The following LIG1 variants were observed in gnomAD, a reference collection of about 807,000 sequenced individuals.
LIG1 encodes DNA ligase 1.
A neutral mutation model predicts 115.7 loss-of-function variants in LIG1; 70 were observed. The observed-to-expected ratio is 0.60, with a 90% CI of 0.50 to 0.74. The LOEUF (loss-of-function observed/expected upper bound fraction) is 0.74. Among genes scored for constraint, LIG1 ranks in the 30% least tolerant of loss-of-function variants. LIG1 has a pLI of 0.00. For synonymous variants in LIG1, 487 were observed against 495.3 expected (o/e 0.98, Z 0.22); for missense variants, 1,115 against 1,225.6 (o/e 0.91, Z 1.35).
intron 7 of LIG1, among the ~76,000 whole-genome samples, chr19:48,150,804 C>T (rs986839233): frequency 2.6e-5 from 4 of 152,028 alleles, no homozygotes; most frequent in Non-Finnish European, 4.4e-5. Context: ...CTCAAGCGAT[C>T]CTCCCACCTC....
At chr19:48,145,195 G>A (rs995751114) in intron 9 of LIG1, among the ~76,000 whole-genome samples, 7 of 152,164 alleles carry the variant, frequency 4.6e-5, no homozygotes, top group African/African-American at 9.6e-5. Context: ...CACTGCGCCC[G>A]GCCTCAACCT....
At chr19:48,136,258 G>C in intron 14 of LIG1, 133 bp from the exon 15 acceptor site, 1 of 673,814 alleles carries the variant, frequency 1.5e-6, no homozygotes, top group East Asian at 2.7e-5. Flanking sequence ...TCAGAGCCTG[G>C]AAGGGACCCC....
intron 19 of LIG1, among the ~76,000 whole-genome samples, chr19:48,128,869 T>C (rs1488310084): frequency 6.6e-6 from 1 of 152,162 alleles, no homozygotes; most frequent in Non-Finnish European, 1.5e-5. Flanking sequence ...CTCAAGCAAT[T>C]CTCCTGCCTC....
intron 26 of LIG1, 47 bp downstream of exon 26, chr19:48,117,591 C>T (rs768472566): frequency 3.4e-5 from 55 of 1,601,702 alleles, no homozygotes; most frequent in Middle Eastern, 2.1e-4. Context: ...TCTGTGTGCC[C>T]GCCCAGAATC....
chr19:48,136,042 G>A lies in LIG1; in HGVS notation c.1415C>T (p.Pro472Leu), dbSNP rs368075807. 5.8e-6 allele frequency: 9 copies of A among 1,563,184 alleles called. No individual in the cohort carries two copies. Among genetic ancestry groups the A allele is most frequent in the Admixed American group, 5.6e-5 (3 of 53,352 alleles). The change falls in exon 15 of 28, where the codon CCG (proline) becomes CTG (leucine). Residue 472 changes from proline to leucine, a missense_variant. Physicochemically the swap from Pro to Leu is moderately conservative, Grantham distance 98. Transcript: ENST00000263274. ...GGGCCACAGGAGCTCACCTTGGCCC[G>A]GGGGCGTGAGGCTCACTGCCTGGGA... is the stretch of plus-strand genomic sequence containing the variant. ...ALSQAVSLTP[P>L]GQEFPPAMVD... is the part of the protein sequence containing the mutation.
intron 11 of LIG1, among the ~76,000 whole-genome samples, chr19:48,143,160 C>T (rs555762961): frequency 2.6e-5 from 4 of 152,114 alleles, no homozygotes; most frequent in East Asian, 1.9e-4. Flanking sequence ...AGGGGGTCCT[C>T]GCTATAACTG....
intron 19 of LIG1, among the ~76,000 whole-genome samples, chr19:48,128,657 C>T (rs568575993): frequency 6.6e-6 from 1 of 152,394 alleles, no homozygotes; most frequent in African/African-American, 2.4e-5. Flanking sequence ...CTGTCTCCTC[C>T]ACTGGCAAGC....
chr19:48,133,868 G>C (rs900067853), intron 17 of LIG1, 113 bp downstream of exon 17: 12 of 832,946 alleles, frequency 1.4e-5, no homozygotes, highest in South Asian at 8.7e-5. Flanking sequence ...TGGTTTTGGT[G>C]GGGGAGAGGA....
intron 21 of LIG1, among the ~76,000 whole-genome samples, chr19:48,125,711 G>T (rs550356427): frequency 2.0e-5 from 3 of 151,978 alleles, no homozygotes; most frequent in African/African-American, 7.3e-5. Context: ...GGGATGGGCC[G>T]GGCGTGGTGG....
intron 4 of LIG1, among the ~76,000 whole-genome samples, chr19:48,158,401 A>T (rs1028091650): frequency 6.6e-6 from 1 of 152,124 alleles, no homozygotes; most frequent in Non-Finnish European, 1.5e-5. Context: ...GGTCACATGA[A>T]TCCCGGACTC....
In LIG1 at chr19:48,151,343, A is replaced by G; in HGVS notation, c.467-4T>C. On this transcript the variant is annotated splice_polypyrimidine_tract_variant and splice_region_variant and intron_variant, in intron 6 of 27. Coordinates refer to ENST00000263274, the MANE Select transcript of LIG1 (RefSeq NM_000234.3). Reference sequence around the variant, plus strand: ...CTTTCTTTCGGGGTCTCCTCTTCTGACGATAGACAGAACGGTCAGATGGCA... The same window carrying G: ...CTTTCTTTCGGGGTCTCCTCTTCTGGCGATAGACAGAACGGTCAGATGGCA... 1.3e-6 allele frequency: 2 copies of G among 1,575,134 alleles called. No individual in the cohort carries two copies. The highest frequency in any genetic ancestry group is 1.7e-6 in the Non-Finnish European group (2 of 1,144,432).
intron 11 of LIG1, among the ~76,000 whole-genome samples, chr19:48,141,276 C>T (rs1444613281): frequency 1.3e-5 from 2 of 152,208 alleles, no homozygotes; most frequent in Non-Finnish European, 1.5e-5. Context: ...ACTACCGGTG[C>T]GCACCACCAT....
At chr19:48,148,272 G>A (rs910374179) in intron 9 of LIG1, among the ~76,000 whole-genome samples, 12 of 152,054 alleles carry the variant, frequency 7.9e-5, no homozygotes, top group Admixed American at 4.6e-4. Context: ...TTAGGAGTTC[G>A]AGACCAGCCT....
chr19:48,120,628 A>G (rs2033194648), intron 24 of LIG1: 1 of 901,924 alleles, frequency 1.1e-6, no homozygotes, highest in African/African-American at 1.8e-5. Flanking sequence ...GGGGTGAGCC[A>G]TGGAGCAAAG....
chr19:48,156,110 C>A (rs1488530726), intron 5 of LIG1, among the ~76,000 whole-genome samples: 1 of 152,190 alleles, frequency 6.6e-6, no homozygotes, highest in Non-Finnish European at 1.5e-5. Context: ...AGCTGGTTTT[C>A]CAGGACCTTC....
chr19:48,115,643 G>A lies in LIG1; in HGVS notation c.*6C>T, dbSNP rs1237960454. On this transcript the variant is annotated 3_prime_UTR_variant, in exon 28 of 28. Coordinates refer to ENST00000263274, the MANE Select transcript of LIG1 (RefSeq NM_000234.3). ...CCCTGTACCCAGGCCCTAGGAGGGC[G>A]AGGGCTTAGTAGGTATCTTCAGGGT... 8 of 1,603,540 alleles carry A rather than the reference G, an allele frequency of 5.0e-6. No homozygotes were observed. The highest frequency in any genetic ancestry group is 1.1e-5 in the South Asian group (1 of 90,864).
At chr19:48,165,684 TAA>T in intron 1 of LIG1, 61 bp from the exon 2 acceptor site, 1 of 1,134,018 alleles carries the variant, frequency 8.8e-7, no homozygotes, top group Non-Finnish European at 1.3e-6. Context: ...TAAACACACA[TAA>T]AACCCTTTCT....
chr19:48,116,915 C>T (rs2032879663), intron 26 of LIG1, among the ~76,000 whole-genome samples: 1 of 152,188 alleles, frequency 6.6e-6, no homozygotes, highest in African/African-American at 2.4e-5. Context: ...CCGAGGTGGG[C>T]GGATTGAGGC....
chr19:48,154,515 A>C, intron 5 of LIG1: 4 of 196,382 alleles, frequency 2.0e-5, no homozygotes, highest in East Asian at 1.2e-4. Context: ...TGCCCAACAC[A>C]TAGCAGACCC....
Sources: gnomAD v4.1 joint callset for allele counts (sites outside exome capture counted in the v4.1 genomes callset) on GRCh38, gnomAD v4.1.1 for gene constraint, MANE v1.5 for transcripts, NCBI Gene and HGNC (gene_info 2026-07-23, HGNC 2026-07-21) for gene names.